Variants in FEZF1 observed in about 807,000 individuals in gnomAD.
FEZF1 encodes fez family zinc finger protein 1.
Under a neutral mutation model 32.4 loss-of-function variants are expected in FEZF1, and 8 were observed. The observed-to-expected ratio is 0.25, with a 90% CI of 0.15 to 0.45. The LOEUF (loss-of-function observed/expected upper bound fraction) is 0.45. Among genes scored for constraint, FEZF1 ranks in the 20% least tolerant of loss-of-function variants. The pLI, the probability that FEZF1 is intolerant of heterozygous loss-of-function variation, is 1.00. For missense variants in FEZF1, 546 were observed against 622.3 expected, an observed-to-expected ratio of 0.88 and a Z score of 1.31; for synonymous variants, 259 against 265.2, an observed-to-expected ratio of 0.98 and a Z score of 0.23.
Position 122,303,260 on chromosome 7 carries a change from C to A in FEZF1, c.853G>T (p.Ala285Ser). ...CACACTTTGCAAACGAAGGGTCTGG[C>A]TCCTGTGTGCACTGGCATGTGACGG... Reference protein sequence around the residue: ...LTRHMPVHTGARPFVCKVCGK... With the variant: ...LTRHMPVHTGSRPFVCKVCGK... Residue 285 changes from alanine to serine, a missense_variant, in exon 2 of 4, where the codon GCC becomes TCC. Around this residue, in one of 3 missense-constraint regions of FEZF1, gnomAD observed 118 missense variants for 188.7 expected, o/e 0.63. Transcript: ENST00000442488. 6.2e-7 allele frequency: 1 copy of A among 1,614,132 alleles called. No homozygotes were observed. The highest frequency in any genetic ancestry group is 2.2e-5 in the East Asian group (1 of 44,878).
At chr7:122,305,463 C>T (rs2031247151), upstream of FEZF1, 1 of 152,216 alleles carries the variant, frequency 6.6e-6, no homozygotes, top group African/African-American at 2.4e-5. Context: ...GGCAATAGGC[C>T]TGGGAAAGTC....
chr7:122,304,392 C>G lies in FEZF1; in HGVS notation c.46G>C (p.Ala16Pro). The change falls in exon 1 of 4, where the codon GCT becomes CCT. Residue 16 changes from alanine (A) to proline (P), a missense_variant. Transcript: ENST00000442488. The part of the protein sequence containing the change: ...HNATTKMLAT[A>P]PARGNMMSTS... ...CTCATCATGTTGCCCCGAGCTGGAG[C>G]AGTCGCTAACATTTTGGTAGTCGCG... 2 of 1,586,192 alleles carry G rather than the reference C, an allele frequency of 1.3e-6. No homozygotes were observed. Among genetic ancestry groups the G allele is most frequent in the South Asian group, 1.1e-5 (1 of 88,600 alleles).
rs761248281 is a variant in FEZF1, at chr7:122,303,935, C to G, written c.503G>C (p.Gly168Ala). The change falls in exon 1 of 4, where the codon GGC (glycine) becomes GCC (alanine). Residue 168 changes from glycine to alanine, a missense_variant. Physicochemically the swap from Gly to Ala is moderately conservative, Grantham distance 60 (BLOSUM62 0). Around this residue, in one of 3 missense-constraint regions of FEZF1, gnomAD observed 345 missense variants for 360.6 expected, o/e 0.96. Transcript: ENST00000442488. The part of the protein sequence containing the change: ...GALCYLNRGD[G>A]PCHPAAGVNI... ...CACGCCGGCTGCCGGGTGGCATGGG[C>G]CGTCACCTCGGTTCAGGTAGCACAA... 6.2e-7 allele frequency: 1 copy of G among 1,609,152 alleles called. No individual in the cohort carries two copies. The highest frequency in any genetic ancestry group is 1.3e-5 in the African/African-American group (1 of 74,828).
Position 122,303,715 on chromosome 7 carries a change from G to A in FEZF1, c.723C>T (p.Ile241=), listed in dbSNP as rs987103414. 6 of 1,614,210 alleles carry A rather than the reference G, an allele frequency of 3.7e-6. No homozygotes were observed. In the Admixed American group the frequency reaches 1.0e-4, roughly 27 times the overall value. ...KESAQLLSEK[I]AFKTSDFSRG... The stretch of plus-strand genomic sequence containing the variant: ...GGCTGAAATCCGAGGTTTTGAACGC[G>A]ATTTTTTCCGACAGAAGCTGGGCGC... Residue 241 remains isoleucine, a synonymous_variant, in exon 1 of 4, where the codon ATC becomes ATT. Transcript: ENST00000442488.
Position 122,304,243 on chromosome 7 carries a change from CAG to C in FEZF1, c.193_194del (p.Leu65AlafsTer102). On this transcript the variant is annotated frameshift_variant, in exon 1 of 4. Coordinates refer to ENST00000442488, the MANE Select transcript of FEZF1 (RefSeq NM_001024613.4). LOFTEE classifies it high-confidence loss of function. ...TGCAGGGGATCGACGAGTTGAGATG[CAG>C]AGAGTGCTTGGGTTCCCCCTTGGGT... ...ALPKGEPKHS[L>X]HLNSSIPCMI... 1.2e-6 allele frequency: 2 copies of C among 1,601,276 alleles called. No homozygotes were observed. The highest frequency in any genetic ancestry group is 1.7e-6 in the Non-Finnish European group (2 of 1,172,492).
At position 122,303,823 on chromosome 7, in the gene FEZF1, C is replaced by A. The variant is rs757983995; in HGVS notation, c.615G>T (p.Val205=). 2.4e-5 allele frequency: 38 copies of A among 1,614,122 alleles called. No individual in the cohort carries two copies. Among genetic ancestry groups the A allele is most frequent in the Non-Finnish European group, 3.1e-5 (37 of 1,180,050 alleles). Residue 205 remains valine, a synonymous_variant, in exon 1 of 4, where the codon GTG becomes GTT. Coordinates refer to ENST00000442488, the MANE Select transcript of FEZF1 (RefSeq NM_001024613.4). ...KTYLAERNKL[V]VPAVEKYPSG... is the part of the protein sequence containing the mutation. ...AAGGGTATTTCTCCACCGCCGGGAC[C>A]ACCAGTTTATTCCTTTCGGCTAAAT...
chr7:122,301,691 C>A lies in FEZF1; in HGVS notation c.*306G>T, dbSNP rs569233836. 11 of 335,364 alleles carry A rather than the reference C, an allele frequency of 3.3e-5. No individual in the cohort carries two copies. The highest frequency in any genetic ancestry group is 7.7e-4 in the Middle Eastern group (1 of 1,292). 20.8% of individuals were successfully genotyped at this position (335,364 alleles called of 1,614,324 possible). On this transcript the variant is annotated 3_prime_UTR_variant, in exon 4 of 4. Transcript: ENST00000442488. ...TAAACAAAACAAAACAAAATAAACA[C>A]CATCTCTCCACCCAAGATGAAAAGT...
exon 1 of FEZF1, chr7:122,310,638 T>C (rs2031398148): frequency 6.6e-6 from 1 of 152,172 alleles, no homozygotes; most frequent in Non-Finnish European, 1.5e-5. Flanking sequence ...AGCGTCCGGC[T>C]CCCGGGGTGG....
upstream of FEZF1, among the ~76,000 whole-genome samples, chr7:122,308,048 TG>T (rs1328603490): frequency 1.3e-5 from 2 of 152,230 alleles, no homozygotes; most frequent in African/African-American, 4.8e-5. Context: ...AACGTTTCAA[TG>T]CAAGTATTTT....
rs1456719225 is a variant in FEZF1, at chr7:122,303,747, T to C, written c.691A>G (p.Lys231Glu). The change falls in exon 1 of 4, where the codon AAA becomes GAA. Residue 231 changes from lysine (K) to glutamate (E), a missense_variant. Around this residue, in one of 3 missense-constraint regions of FEZF1, gnomAD observed 345 missense variants for 360.6 expected, o/e 0.96. Coordinates refer to ENST00000442488, the MANE Select transcript of FEZF1 (RefSeq NM_001024613.4). ...TCCGACAGAAGCTGGGCGCTTTCTT[T>C]CATGTAATGCTGCAGCTGAGCCTGG... ...LSQAQLQHYM[K>E]ESAQLLSEKI... 6.2e-7 allele frequency: 1 copy of C among 1,614,240 alleles called. No homozygotes were observed. The highest frequency in any genetic ancestry group is 1.7e-5 in the Admixed American group (1 of 60,036).
In FEZF1 at chr7:122,303,328, C is replaced by G. The variant is rs188460649; in HGVS notation, c.802-17G>C. 26 of 1,613,266 alleles carry G rather than the reference C, an allele frequency of 1.6e-5. No homozygotes were observed. The highest frequency in any genetic ancestry group is 2.2e-5 in the East Asian group (1 of 44,872). On this transcript the variant is annotated splice_polypyrimidine_tract_variant and intron_variant, in intron 1 of 3. Coordinates refer to ENST00000442488, the MANE Select transcript of FEZF1 (RefSeq NM_001024613.4). ...ATTAAAGACCTTAAAATTAAACACA[C>G]GTAGAACAGGTTAGCCGCACAAGTA...
chr7:122,303,536 AGGAG>A (rs1390465466), intron 1 of FEZF1, 97 bp downstream of exon 1: 64 of 325,364 alleles, frequency 2.0e-4, no homozygotes, highest in Admixed American at 1.7e-3. Flanking sequence ...GAAGGAAGGA[AGGAG>A]GGAGGGAAGG....
rs142377395 is a variant in FEZF1 at position 122,302,261 on chromosome 7, G to C, written c.1164C>G (p.Thr388=). The C allele has an allele frequency of 9.3e-6, 15 of 1,614,102 alleles. No individual in the cohort carries two copies. Among genetic ancestry groups the C allele is most frequent in the Non-Finnish European group, 1.1e-5 (13 of 1,180,056 alleles). Residue 388 remains threonine, a synonymous_variant, in exon 4 of 4, where the codon ACC becomes ACG. Transcript: ENST00000442488. This position sits in a 1 kb window ranked among gnomAD's most constrained non-coding sequence, Gnocchi z 4.4. ...TGTCGTTGTGGGTGTGCATGTGGAA[G>C]GTGAGGTTGTAAACCTGGTGGAAAG... ...NKAFHQVYNL[T]FHMHTHNDKK... is the part of the protein sequence containing the mutation.
At position 122,304,276 on chromosome 7, in the gene FEZF1, TC is replaced by T; in HGVS notation, c.161del (p.Gly54GlufsTer21). The T allele has an allele frequency of 6.2e-7, 1 of 1,610,860 alleles. No individual in the cohort carries two copies. The highest frequency in any genetic ancestry group is 8.5e-7 in the Non-Finnish European group (1 of 1,178,232). The part of the protein sequence containing the change: ...KALPVPHFLQ[G>X]ALPKGEPKHS... ...GCTTGGGTTCCCCCTTGGGTAAGGCTCCCTGCAGGAAGTGGGGGACTGGCAG... is the reference window on the plus strand; with the variant it reads ...GCTTGGGTTCCCCCTTGGGTAAGGCTCCTGCAGGAAGTGGGGGACTGGCAG... On this transcript the variant is annotated frameshift_variant, in exon 1 of 4. Coordinates refer to ENST00000442488, the MANE Select transcript of FEZF1 (RefSeq NM_001024613.4). LOFTEE classifies it high-confidence loss of function.
At chr7:122,303,138 C>T (rs765448481) in intron 2 of FEZF1, 39 bp downstream of exon 2, 3 of 1,613,160 alleles carry the variant, frequency 1.9e-6, no homozygotes, top group South Asian at 2.2e-5. Flanking sequence ...GCAAACAGTT[C>T]GGAAGCAAAC....
chr7:122,307,033 T>A (rs1584963558), upstream of FEZF1: 3 of 152,070 alleles, frequency 2.0e-5, no homozygotes, highest in Admixed American at 2.0e-4. Context: ...AGGCGCCACA[T>A]CCCCGAGAGG....
At chr7:122,308,722 C>T (rs757914175), upstream of FEZF1, among the ~76,000 whole-genome samples, 1 of 152,138 alleles carries the variant, frequency 6.6e-6, no homozygotes, top group African/African-American at 2.4e-5. Flanking sequence ...TGTCCCTGGT[C>T]ATGTTTTTAG....
Position 122,301,482 on chromosome 7 carries a change from G to A in FEZF1, c.*515C>T, listed in dbSNP as rs1357275664. 3 of 152,774 alleles carry A rather than the reference G, an allele frequency of 2.0e-5. No individual in the cohort carries two copies. The highest frequency in any genetic ancestry group is 1.3e-4 in the Admixed American group (2 of 15,292). The allele number at this position is 152,774 out of a possible 1,614,324, so 9.5% of individuals were successfully genotyped here. A position where few individuals can be genotyped will look rare whatever the true frequency, so the allele number is the denominator to read the frequency against. On this transcript the variant is annotated 3_prime_UTR_variant, in exon 4 of 4. Transcript: ENST00000442488. ...CCCCTATGGGCGCACACATCTATGC[G>A]TGTATATATGACATACACACAGTGT...
chr7:122,307,800 A>G (rs1234399241), upstream of FEZF1, among the ~76,000 whole-genome samples: 3 of 152,252 alleles, frequency 2.0e-5, no homozygotes, highest in Non-Finnish European at 2.9e-5. Context: ...AAGGTGCTTT[A>G]CAACTCCAGG....
Sources: gnomAD v4.1 joint callset for allele counts (sites outside exome capture counted in the v4.1 genomes callset) on GRCh38, gnomAD v4.1.1 for gene constraint, gnomAD v4.1.1 regional missense constraint, Gnocchi (gnomAD v3.1) non-coding constraint, MANE v1.5 for transcripts, NCBI Gene and HGNC (gene_info 2026-07-23, HGNC 2026-07-21) for gene names.